The following HDAC9 variants were observed in gnomAD, a reference collection of about 807,000 sequenced individuals.
The protein encoded by HDAC9 is MEF-2 interacting transcription repressor (MITR) protein.
In HDAC9, 41 loss-of-function variants were observed where a neutral mutation model predicts 139.4. The ratio of observed to expected loss-of-function variants is 0.29; its 90% CI spans 0.23 to 0.38. HDAC9 has a LOEUF of 0.38. Ranked by LOEUF, HDAC9 falls within the 10% of genes least tolerant of loss-of-function variation. The pLI, the probability that HDAC9 is intolerant of heterozygous loss-of-function variation, is 1.00. For synonymous variants in HDAC9, 517 were observed against 476.2 expected (o/e 1.09, Z -1.12); for missense variants, 1,147 against 1,297.0 (o/e 0.88, Z 1.78).
intron 2 of HDAC9, among the ~76,000 whole-genome samples, chr7:18,219,878 G>A (rs1451475305): frequency 2.0e-5 from 3 of 152,180 alleles, no homozygotes; most frequent in Non-Finnish European, 4.4e-5. Flanking sequence ...GCAGAGTGTA[G>A]CAGGGAGACC....
At chr7:18,225,515 T>C (rs1387555092) in intron 2 of HDAC9, among the ~76,000 whole-genome samples, 1 of 152,180 alleles carries the variant, frequency 6.6e-6, no homozygotes, top group Non-Finnish European at 1.5e-5. Flanking sequence ...AGCATCATAA[T>C]TCTCAAATTT....
chr7:18,634,618 A>C lies in HDAC9; in HGVS notation c.797-9A>C. The C allele has an allele frequency of 6.5e-7, 1 of 1,537,168 alleles. No individual in the cohort carries two copies. The highest frequency in any genetic ancestry group is 8.9e-7 in the Non-Finnish European group (1 of 1,127,626). On this transcript the variant is annotated splice_polypyrimidine_tract_variant and intron_variant, in intron 7 of 25. Coordinates refer to ENST00000686413, the MANE Select transcript of HDAC9 (RefSeq NM_178425.4). The stretch of plus-strand genomic sequence containing the variant: ...CATGAACACATTTGTACTTCACAAT[A>C]TTTTTCAGAATCCTCAGTCAGTAGC...
intron 2 of HDAC9, among the ~76,000 whole-genome samples, chr7:18,252,124 G>C (rs911850618): frequency 2.6e-5 from 4 of 152,152 alleles, no homozygotes; most frequent in Non-Finnish European, 5.9e-5. Context: ...GAAGTCTTCT[G>C]CCTTCATGAA....
At chr7:18,414,172 G>C (rs754016007) in intron 1 of HDAC9, among the ~76,000 whole-genome samples, 9 of 151,934 alleles carry the variant, frequency 5.9e-5, no homozygotes, top group Non-Finnish European at 4.4e-5. Flanking sequence ...GTATTTAAGT[G>C]AAAATTTGAA....
intron 14 of HDAC9, among the ~76,000 whole-genome samples, chr7:18,761,238 A>C (rs1484082231): frequency 6.6e-6 from 1 of 152,204 alleles, no homozygotes; most frequent in Non-Finnish European, 1.5e-5. Flanking sequence ...CAGAAAGAAC[A>C]CTTTGCATAC....
chr7:18,812,670 TG>T (rs1300274131), intron 17 of HDAC9, among the ~76,000 whole-genome samples: 1 of 151,934 alleles, frequency 6.6e-6, no homozygotes, highest in East Asian at 1.9e-4. Flanking sequence ...TTGAGCTTAA[TG>T]TGTGGCTTGC....
At position 18,719,258 on chromosome 7, in the gene HDAC9, A is replaced by ACTTTATGG. The variant is rs553454015; in HGVS notation, c.1732-8321_1732-8314dup. 5.1e-3 allele frequency among the ~76,000 whole-genome samples: 755 copies of ACTTTATGG among 147,496 alleles called. 1 individual carries two copies. Among genetic ancestry groups the ACTTTATGG allele is most frequent in the Non-Finnish European group, 7.9e-3 (535 of 67,418 alleles). ...TAACTTGTGGGTTACCTTTCCACTTACTTTATGGTGTCCTTTGAAGCACAA... is the reference window on the plus strand; with the variant it reads ...TAACTTGTGGGTTACCTTTCCACTTACTTTATGGCTTTATGGTGTCCTTTGAAGCACAA... On this transcript the variant is annotated intron_variant, in intron 12 of 25. Transcript: ENST00000686413.
intron 1 of HDAC9, among the ~76,000 whole-genome samples, chr7:18,486,300 A>G (rs1284859596): frequency 4.6e-5 from 7 of 152,158 alleles, no homozygotes; most frequent in Non-Finnish European, 7.3e-5. Context: ...ATTCTCATGA[A>G]TCAAATTTAA....
intron 12 of HDAC9, among the ~76,000 whole-genome samples, chr7:18,704,414 T>G (rs1392651379): frequency 1.3e-5 from 2 of 152,226 alleles, no homozygotes; most frequent in Non-Finnish European, 2.9e-5. Flanking sequence ...CAGAAAACTC[T>G]TATTGCAATC....
chr7:18,677,162 C>T (rs1368296872), intron 12 of HDAC9, among the ~76,000 whole-genome samples: 2 of 151,848 alleles, frequency 1.3e-5, no homozygotes, highest in East Asian at 3.9e-4. Flanking sequence ...CCCCAGTCAA[C>T]TATTGATCTG....
chr7:18,187,877 A>C (rs1322751992), intron 2 of HDAC9, among the ~76,000 whole-genome samples: 1 of 152,240 alleles, frequency 6.6e-6, no homozygotes, highest in African/African-American at 2.4e-5. Flanking sequence ...CTTCCTGTGC[A>C]CAAAATTCAT....
chr7:18,285,370 G>A (rs1333988612), intron 2 of HDAC9, among the ~76,000 whole-genome samples: 1 of 151,516 alleles, frequency 6.6e-6, no homozygotes, highest in African/African-American at 2.4e-5. Flanking sequence ...TCCTTATATT[G>A]GGAATATACA....
Position 18,853,713 on chromosome 7 carries a change from A to G in HDAC9, c.2684+17716A>G, listed in dbSNP as rs986660215. 3.9e-5 allele frequency among the ~76,000 whole-genome samples: 6 copies of G among 152,306 alleles called. No homozygotes were observed. The East Asian group carries it at 1.2e-3, about 29-fold the overall frequency. On this transcript the variant is annotated intron_variant, in intron 21 of 25. Coordinates refer to ENST00000686413, the MANE Select transcript of HDAC9 (RefSeq NM_178425.4). ...GAACTAGTCATTTTAATAGAACTTA[A>G]GGGCAGCAGAATCTTTTCAACTCTT...
At chr7:18,522,089 C>T (rs1212072946) in intron 2 of HDAC9, among the ~76,000 whole-genome samples, 1 of 152,000 alleles carries the variant, frequency 6.6e-6, no homozygotes, top group African/African-American at 2.4e-5. Context: ...TAATCAAGAC[C>T]AACAGGAGGA....
chr7:18,878,696 C>T (rs1200468329), intron 22 of HDAC9, among the ~76,000 whole-genome samples: 1 of 152,088 alleles, frequency 6.6e-6, no homozygotes, highest in Non-Finnish European at 1.5e-5. Flanking sequence ...AAACCCACAG[C>T]CAACATTATA....
chr7:18,238,829 A>G (rs1192382098), intron 2 of HDAC9, among the ~76,000 whole-genome samples: 4 of 152,234 alleles, frequency 2.6e-5, no homozygotes, highest in Admixed American at 2.0e-4. Context: ...TGGGAGTTAC[A>G]TAATCTAATA....
intron 2 of HDAC9, among the ~76,000 whole-genome samples, chr7:18,190,108 T>C (rs1047602479): frequency 6.6e-6 from 1 of 152,008 alleles, no homozygotes; most frequent in African/African-American, 2.4e-5. Flanking sequence ...CCTGGCAAAT[T>C]ATTTTTTGTA....
chr7:18,788,546 G>A (rs1003978547), intron 16 of HDAC9, among the ~76,000 whole-genome samples: 1 of 152,098 alleles, frequency 6.6e-6, no homozygotes, highest in Non-Finnish European at 1.5e-5. Context: ...CCTGAGGTCA[G>A]GAGTTCAAGA....
intron 12 of HDAC9, among the ~76,000 whole-genome samples, chr7:18,722,817 A>G (rs1584915503): frequency 6.6e-6 from 1 of 152,174 alleles, no homozygotes; most frequent in Admixed American, 6.5e-5. Flanking sequence ...CTATAGTCCT[A>G]TTTTGAAAGA....
Sources: allele counts gnomAD v4.1 joint callset (sites outside exome capture counted in the v4.1 genomes callset), GRCh38; gene constraint gnomAD v4.1.1; transcripts MANE v1.5; gene names NCBI Gene and HGNC (gene_info 2026-07-23, HGNC 2026-07-21).